Variants in SPAG16 observed in about 807,000 individuals in gnomAD.
SPAG16 encodes sperm-associated antigen 16 protein.
In SPAG16, 86 loss-of-function variants were observed where a neutral mutation model predicts 80.4. The observed-to-expected ratio is 1.07, with a 90% CI of 0.90 to 1.28. The LOEUF is 1.28. Ranked by LOEUF, SPAG16 falls within the 50% of genes most tolerant of loss-of-function variation. The pLI is 0.00. For missense variants in SPAG16, 870 were observed against 765.3 expected (o/e 1.14, Z -1.61); for synonymous variants, 294 against 265.9 (o/e 1.11, Z -1.03).
chr2:214,011,469 A>G (rs1253256581), intron 12 of SPAG16, among the ~76,000 whole-genome samples: 2 of 152,116 alleles, frequency 1.3e-5, no homozygotes, highest in Non-Finnish European at 2.9e-5. Flanking sequence ...TCAAAGGGCT[A>G]TGAATTAAAT....
At chr2:213,582,648 G>A (rs2060336995) in intron 10 of SPAG16, among the ~76,000 whole-genome samples, 2 of 152,164 alleles carry the variant, frequency 1.3e-5, no homozygotes, top group African/African-American at 2.4e-5. Context: ...AGGATGGCAT[G>A]TTGTTCAATG....
At position 213,883,093 on chromosome 2, in the gene SPAG16, A is replaced by G. The variant is rs959014988; in HGVS notation, c.1214+20465A>G. ...GTGTTAGCCAGTTCCTTTAGGTGCA[A>G]AGGTAGATTGTTAATTTGAGATCTC... is the stretch of plus-strand genomic sequence containing the variant. On this transcript the variant is annotated intron_variant, in intron 11 of 15. Coordinates refer to ENST00000331683, the MANE Select transcript of SPAG16 (RefSeq NM_024532.5). 4.6e-5 allele frequency among the ~76,000 whole-genome samples: 7 copies of G among 152,220 alleles called. No individual in the cohort carries two copies. In the East Asian group the frequency reaches 9.7e-4, roughly 21 times the overall value.
At chr2:213,705,296 GAGGAAGGA>G (rs955304218) in intron 10 of SPAG16, among the ~76,000 whole-genome samples, 7 of 151,482 alleles carry the variant, frequency 4.6e-5, no homozygotes, top group South Asian at 2.1e-4. Flanking sequence ...GGGAGGGAGG[GAGGAAGGA>G]AGGAAGGAAG....
chr2:214,154,508 C>G (rs1055947705), intron 15 of SPAG16, among the ~76,000 whole-genome samples: 4 of 142,250 alleles, frequency 2.8e-5, no homozygotes, highest in Admixed American at 7.0e-5. Context: ...ACCCCCCCCC[C>G]CCATTTTTTC....
chr2:214,143,234 G>GTTTTTTTTTTTTTTTTTTTTTGT (rs2055458531), intron 14 of SPAG16, among the ~76,000 whole-genome samples: 2 of 112,670 alleles, frequency 1.8e-5, no homozygotes, highest in Non-Finnish European at 3.6e-5. Context: ...ATAGTTTTGG[G>GTTTTTTTTTTTTTTTTTTTTTGT]TTTTTTTTTT....
chr2:213,424,640 G>A (rs1361168027), intron 9 of SPAG16, among the ~76,000 whole-genome samples: 1 of 152,036 alleles, frequency 6.6e-6, no homozygotes, highest in African/African-American at 2.4e-5. Flanking sequence ...GACTCTAATG[G>A]CATAAAAAAT....
intron 11 of SPAG16, among the ~76,000 whole-genome samples, chr2:213,885,029 G>T (rs531490701): frequency 3.3e-5 from 5 of 152,218 alleles, no homozygotes; most frequent in South Asian, 2.1e-4. Context: ...GGGAGGAACT[G>T]GTAGACTCCT....
chr2:214,119,566 C>A (rs1559815695), intron 14 of SPAG16, among the ~76,000 whole-genome samples: 1 of 152,072 alleles, frequency 6.6e-6, no homozygotes, highest in Admixed American at 6.6e-5. Context: ...GATGGACATT[C>A]CATAGGGCCT....
intron 10 of SPAG16, among the ~76,000 whole-genome samples, chr2:213,837,556 C>T (rs1575305429): frequency 2.6e-5 from 4 of 152,232 alleles, no homozygotes. Context: ...ACTAAGACAT[C>T]GGGCTATTTT....
intron 15 of SPAG16, among the ~76,000 whole-genome samples, chr2:214,284,664 T>G (rs116793503): frequency 6.6e-6 from 1 of 152,208 alleles, no homozygotes; most frequent in Non-Finnish European, 1.5e-5. Context: ...CAGCTAAATA[T>G]TATGTAAGTT....
intron 10 of SPAG16, among the ~76,000 whole-genome samples, chr2:213,837,260 G>A (rs2074134699): frequency 6.6e-6 from 1 of 152,150 alleles, no homozygotes; most frequent in African/African-American, 2.4e-5. Context: ...CACTAAATAG[G>A]AGAAAATTAG....
chr2:213,782,540 C>T lies in SPAG16; in HGVS notation c.1071-79945C>T, dbSNP rs895980519. Reference sequence around the variant, plus strand: ...TCCCTTTCAAAAAGAAATTACATAGCTGTTATTCAATAAAGATAATCGAGG... The same window carrying T: ...TCCCTTTCAAAAAGAAATTACATAGTTGTTATTCAATAAAGATAATCGAGG... On this transcript the variant is annotated intron_variant, in intron 10 of 15. Coordinates refer to ENST00000331683, the MANE Select transcript of SPAG16 (RefSeq NM_024532.5). 1.4e-4 allele frequency among the ~76,000 whole-genome samples: 22 copies of T among 152,220 alleles called. No individual in the cohort carries two copies. In the East Asian group the frequency reaches 4.2e-3, roughly 29 times the overall value.
At chr2:213,769,522 T>C (rs1214770767) in intron 10 of SPAG16, among the ~76,000 whole-genome samples, 1 of 152,168 alleles carries the variant, frequency 6.6e-6, no homozygotes, top group Non-Finnish European at 1.5e-5. Flanking sequence ...TGCTTCTCAG[T>C]ACCAGTATCA....
intron 15 of SPAG16, among the ~76,000 whole-genome samples, chr2:214,180,541 A>T (rs140959137): frequency 6.6e-6 from 1 of 151,680 alleles, no homozygotes; most frequent in African/African-American, 2.4e-5. Context: ...AATTACCAAC[A>T]AACTTTTTCT....
intron 9 of SPAG16, among the ~76,000 whole-genome samples, chr2:213,405,959 C>T (rs1436099812): frequency 2.0e-5 from 3 of 152,066 alleles, no homozygotes; most frequent in Non-Finnish European, 4.4e-5. Flanking sequence ...ACAAAGGCTA[C>T]AGGAGTTGAA....
chr2:214,261,416 C>T (rs1461815037), intron 15 of SPAG16, among the ~76,000 whole-genome samples: 1 of 152,054 alleles, frequency 6.6e-6, no homozygotes, highest in Non-Finnish European at 1.5e-5. Flanking sequence ...GCCTTTATAA[C>T]AAAACTGTTT....
chr2:214,122,734 T>C (rs745551641), intron 14 of SPAG16, among the ~76,000 whole-genome samples: 1 of 151,880 alleles, frequency 6.6e-6, no homozygotes, highest in Non-Finnish European at 1.5e-5. Flanking sequence ...GCCAATAATA[T>C]TGATATTTGA....
chr2:214,291,596 C>T (rs891885908), intron 15 of SPAG16, among the ~76,000 whole-genome samples: 7 of 152,212 alleles, frequency 4.6e-5, no homozygotes, highest in Non-Finnish European at 7.4e-5. Flanking sequence ...TGAGCCACCG[C>T]GCCCGGCCTA....
At chr2:213,415,298 C>A (rs1297129713) in intron 9 of SPAG16, among the ~76,000 whole-genome samples, 2 of 152,154 alleles carry the variant, frequency 1.3e-5, no homozygotes, top group East Asian at 3.9e-4. Flanking sequence ...CTGACCTGGG[C>A]CAGGCCATGG....
Sources: gnomAD v4.1 joint callset for allele counts (sites outside exome capture counted in the v4.1 genomes callset) on GRCh38, gnomAD v4.1.1 for gene constraint, MANE v1.5 for transcripts, NCBI Gene and HGNC (gene_info 2026-07-23, HGNC 2026-07-21) for gene names.